The following CACNA2D3 variants were observed in gnomAD, a reference collection of about 807,000 sequenced individuals.
CACNA2D3 encodes voltage-dependent calcium channel subunit alpha-2/delta-3.
A neutral mutation model predicts 160.6 loss-of-function variants in CACNA2D3; 60 were observed. The observed-to-expected ratio is 0.37, with a 90% CI of 0.30 to 0.46. The LOEUF (loss-of-function observed/expected upper bound fraction) is 0.46. Among genes scored for constraint, CACNA2D3 ranks in the 20% least tolerant of loss-of-function variants. CACNA2D3 has a pLI of 1.00. For missense variants in CACNA2D3, 1,205 were observed against 1,365.0 expected (o/e 0.88, Z 1.85); for synonymous variants, 558 against 492.9 (o/e 1.13, Z -1.75).
At chr3:54,700,507 A>T (rs548666938) in intron 11 of CACNA2D3, among the ~76,000 whole-genome samples, 5 of 152,350 alleles carry the variant, frequency 3.3e-5, no homozygotes, top group Non-Finnish European at 7.3e-5. Context: ...GTCAGCACAA[A>T]TATATAATAT....
chr3:54,523,183 A>G (rs1334788336), intron 5 of CACNA2D3, among the ~76,000 whole-genome samples: 1 of 152,124 alleles, frequency 6.6e-6, no homozygotes, highest in Admixed American at 6.5e-5. Flanking sequence ...ACTATTTTGG[A>G]GATATCCTCT....
intron 4 of CACNA2D3, among the ~76,000 whole-genome samples, chr3:54,479,865 C>G (rs1311429561): frequency 6.6e-6 from 1 of 152,180 alleles, no homozygotes; most frequent in Non-Finnish European, 1.5e-5. Context: ...TACAGGTATT[C>G]ATTTAAGCAA....
intron 17 of CACNA2D3, among the ~76,000 whole-genome samples, chr3:54,846,782 C>T (rs1000803184): frequency 4.6e-5 from 7 of 152,250 alleles, no homozygotes; most frequent in South Asian, 2.1e-4. Flanking sequence ...CCTATCATAA[C>T]GGGTCCCTTG....
intron 11 of CACNA2D3, among the ~76,000 whole-genome samples, chr3:54,696,670 A>G (rs554190945): frequency 6.6e-6 from 1 of 152,274 alleles, no homozygotes; most frequent in Admixed American, 6.5e-5. Flanking sequence ...TACCATCATC[A>G]CATTACTTAG....
At chr3:54,738,454 C>T (rs145252362) in intron 11 of CACNA2D3, among the ~76,000 whole-genome samples, 116 of 152,328 alleles carry the variant, frequency 7.6e-4, no homozygotes, top group African/African-American at 2.5e-3. Context: ...AACTCAGTTC[C>T]AGCACATGGT....
At chr3:54,510,470 CT>C (rs777336646) in intron 5 of CACNA2D3, among the ~76,000 whole-genome samples, 2 of 152,196 alleles carry the variant, frequency 1.3e-5, no homozygotes, top group Non-Finnish European at 2.9e-5. Flanking sequence ...AAAGGCATCA[CT>C]TTAGGTACAG....
At chr3:54,286,206 A>C (rs111975334) in intron 2 of CACNA2D3, among the ~76,000 whole-genome samples, 2 of 152,266 alleles carry the variant, frequency 1.3e-5, no homozygotes, top group Admixed American at 6.5e-5. Flanking sequence ...ATGTATAACT[A>C]GAATAACCAA....
chr3:54,974,217 C>T (rs1363367905), intron 29 of CACNA2D3, among the ~76,000 whole-genome samples: 1 of 152,114 alleles, frequency 6.6e-6, no homozygotes. Flanking sequence ...CATAGGTGAC[C>T]AATAAACATT....
intron 32 of CACNA2D3, among the ~76,000 whole-genome samples, chr3:55,007,086 A>G (rs1376100016): frequency 6.6e-6 from 1 of 152,230 alleles, no homozygotes; most frequent in Admixed American, 6.5e-5. Flanking sequence ...GGTATTTTCC[A>G]GAATTCAGGA....
chr3:54,767,027 C>T (rs1408704263), intron 13 of CACNA2D3, among the ~76,000 whole-genome samples: 1 of 151,430 alleles, frequency 6.6e-6, no homozygotes, highest in Non-Finnish European at 1.5e-5. Flanking sequence ...CTCCCCAAGC[C>T]ATCTTCTCTG....
At chr3:54,253,403 G>A (rs1348685156) in intron 2 of CACNA2D3, among the ~76,000 whole-genome samples, 1 of 152,174 alleles carries the variant, frequency 6.6e-6, no homozygotes, top group South Asian at 2.1e-4. Context: ...CAAAAGGGTA[G>A]CAGGCAGGTC....
At chr3:54,604,624 C>T (rs537920051) in intron 9 of CACNA2D3, among the ~76,000 whole-genome samples, 3 of 152,114 alleles carry the variant, frequency 2.0e-5, no homozygotes, top group Admixed American at 1.3e-4. Context: ...TCACCTGTGC[C>T]TTCAAGAGAG....
chr3:54,900,377 T>TTTC (rs377073090), intron 27 of CACNA2D3, among the ~76,000 whole-genome samples: 4 of 152,230 alleles, frequency 2.6e-5, no homozygotes, highest in Middle Eastern at 3.2e-3. Flanking sequence ...CAAAATATTA[T>TTTC]ATGACTGAGA....
chr3:54,726,497 C>A (rs1289544646), intron 11 of CACNA2D3, among the ~76,000 whole-genome samples: 1 of 152,186 alleles, frequency 6.6e-6, no homozygotes, highest in Non-Finnish European at 1.5e-5. Context: ...CATCACACTA[C>A]CTGACTTCAA....
At chr3:54,495,174 G>C (rs1467225394) in intron 4 of CACNA2D3, among the ~76,000 whole-genome samples, 2 of 152,118 alleles carry the variant, frequency 1.3e-5, no homozygotes, top group Admixed American at 1.3e-4. Context: ...GAGTGCCATT[G>C]ATTGGTCTTT....
In CACNA2D3 at chr3:54,809,311, C is replaced by CTTTTTTTTTTTTTTTTTTTT. The variant is rs1217898723; in HGVS notation, c.1381-7524_1381-7523insTTTTTTTTTTTTTTTTTTTT. Among the ~76,000 whole-genome samples the CTTTTTTTTTTTTTTTTTTTT allele has an allele frequency of 8.8e-4, 71 of 80,718 alleles. 4 individuals are homozygous for CTTTTTTTTTTTTTTTTTTTT. Among genetic ancestry groups the CTTTTTTTTTTTTTTTTTTTT allele is most frequent in the African/African-American group, 2.1e-3 (36 of 16,820 alleles). The allele number at this position is 80,718 out of a possible 152,430, so 53.0% of individuals were successfully genotyped here. Reference sequence around the variant, plus strand: ...TCTTTCTTTCCTTCCTTCCTTCTTTCTTTTTTTTTTTTTTTTTTGAGACGG... The same window carrying CTTTTTTTTTTTTTTTTTTTT: ...TCTTTCTTTCCTTCCTTCCTTCTTTCTTTTTTTTTTTTTTTTTTTTTTTTTTTTTTTTTTTTTTGAGACGG... On this transcript the variant is annotated intron_variant, in intron 13 of 37. Transcript: ENST00000474759.
At chr3:54,288,281 A>T (rs951571562) in intron 2 of CACNA2D3, among the ~76,000 whole-genome samples, 41 of 152,198 alleles carry the variant, frequency 2.7e-4, no homozygotes, top group African/African-American at 9.6e-4. Flanking sequence ...ACCATCAGAA[A>T]ATACTACAAA....
intron 2 of CACNA2D3, among the ~76,000 whole-genome samples, chr3:54,147,277 A>G (rs539019360): frequency 2.6e-5 from 4 of 152,320 alleles, no homozygotes; most frequent in South Asian, 4.1e-4. Context: ...TGACGTGTGA[A>G]GTAAGGACCT....
chr3:54,760,940 G>C (rs1053315459), intron 12 of CACNA2D3, among the ~76,000 whole-genome samples: 2 of 152,184 alleles, frequency 1.3e-5, no homozygotes, highest in African/African-American at 4.8e-5. Flanking sequence ...ACAGTTGGCC[G>C]TGGGTCTGTC....
Sources: allele counts gnomAD v4.1 joint callset (sites outside exome capture counted in the v4.1 genomes callset), GRCh38; gene constraint gnomAD v4.1.1; transcripts MANE v1.5; gene names NCBI Gene and HGNC (gene_info 2026-07-23, HGNC 2026-07-21).